GARRE1: variants seen among roughly 807,000 people sequenced by gnomAD.
The protein encoded by GARRE1 is granule associated Rac and RHOG effector protein 1.
GARRE1 carries 49 observed loss-of-function variants against 103.2 expected under a neutral mutation model. The observed-to-expected ratio is 0.47, with a 90% confidence interval of 0.38 to 0.60. The LOEUF (loss-of-function observed/expected upper bound fraction) is 0.60, where lower values mean the gene tolerates loss of function less well. GARRE1 is among the 20% of genes least tolerant of loss of function. GARRE1 has a pLI of 0.00. For missense variants in GARRE1, 1,199 were observed against 1,370.5 expected (o/e 0.87, Z 1.98); for synonymous variants, 505 against 532.8 (o/e 0.95, Z 0.72).
chr19:34,287,385 GGACTCAAGT>G (rs1020821850), intron 1 of GARRE1, among the ~76,000 whole-genome samples: 2 of 152,014 alleles, frequency 1.3e-5, no homozygotes, highest in African/African-American at 4.8e-5. Context: ...TCGAAGTCCT[GGACTCAAGT>G]GACCCTCCTG....
intron 1 of GARRE1, among the ~76,000 whole-genome samples, chr19:34,275,520 C>CATA (rs958451726): frequency 2.9e-4 from 44 of 152,060 alleles, no homozygotes; most frequent in African/African-American, 1.0e-3. Context: ...TTTCACTTAG[C>CATA]ATAATGTTTT....
chr19:34,341,924 G>A lies in GARRE1; in HGVS notation c.1990G>A (p.Gly664Ser), dbSNP rs781265148. The stretch of plus-strand genomic sequence containing the variant: ...CTTTAACATGGGCCAGTCACATCAG[G>A]GCTCTCCGTTGGTGACAAGGCATAA... Reference protein sequence around the residue: ...SGFNMGQSHQGSPLVTRHNSA... With the variant: ...SGFNMGQSHQSSPLVTRHNSA... Residue 664 changes from glycine (G) to serine (S), a missense_variant, in exon 10 of 14, where the codon GGC becomes AGC. By Grantham distance (56) the Gly-to-Ser change is moderately conservative (BLOSUM62 0). Transcript: ENST00000299505. 1.3e-5 allele frequency: 21 copies of A among 1,614,020 alleles called. No homozygotes were observed. In the South Asian group the frequency reaches 2.2e-4, roughly 17 times the overall value.
At chr19:34,286,974 T>G (rs2073890704) in intron 1 of GARRE1, among the ~76,000 whole-genome samples, 1 of 151,768 alleles carries the variant, frequency 6.6e-6, no homozygotes, top group Non-Finnish European at 1.5e-5. Context: ...GTTAAAAAAG[T>G]GTATTCTCCA....
intron 1 of GARRE1, among the ~76,000 whole-genome samples, chr19:34,271,634 A>G (rs944604473): frequency 5.3e-5 from 8 of 152,070 alleles, no homozygotes; most frequent in Non-Finnish European, 1.0e-4. Flanking sequence ...CCGAGGCAGA[A>G]GGATTGCTTG....
At chr19:34,335,070 G>A in intron 8 of GARRE1, among the ~76,000 whole-genome samples, 1 of 151,868 alleles carries the variant, frequency 6.6e-6, no homozygotes, top group South Asian at 2.1e-4. Context: ...CCGTTATGAT[G>A]TCATTTTGCC....
intron 12 of GARRE1, 85 bp from the exon 13 acceptor site, chr19:34,351,429 C>T (rs2074236337): frequency 6.7e-6 from 7 of 1,047,666 alleles, no homozygotes; most frequent in Non-Finnish European, 1.0e-5. Flanking sequence ...CCTGGAGATG[C>T]TGGAGCCTAG....
intron 1 of GARRE1, among the ~76,000 whole-genome samples, chr19:34,283,441 T>C (rs2073866864): frequency 6.6e-6 from 1 of 152,348 alleles, no homozygotes; most frequent in Middle Eastern, 3.4e-3. Flanking sequence ...GCCTGCTTCC[T>C]TTGCTTGCTT....
At chr19:34,326,981 C>G (rs2074114767) in intron 3 of GARRE1, among the ~76,000 whole-genome samples, 1 of 151,916 alleles carries the variant, frequency 6.6e-6, no homozygotes, top group African/African-American at 2.4e-5. Flanking sequence ...ATCATGAAAC[C>G]TTGTCTCTAC....
At chr19:34,304,806 T>A (rs930661255) in intron 2 of GARRE1, among the ~76,000 whole-genome samples, 7 of 151,668 alleles carry the variant, frequency 4.6e-5, no homozygotes, top group South Asian at 4.2e-4. Flanking sequence ...TTATTTATTT[T>A]TTTGAGACAG....
chr19:34,331,988 C>A (rs913165375), intron 7 of GARRE1, among the ~76,000 whole-genome samples: 1 of 143,804 alleles, frequency 7.0e-6, no homozygotes, highest in East Asian at 2.0e-4. Context: ...AAGATCCAGT[C>A]TTTAAAAAAA....
chr19:34,286,767 C>G (rs1412225473), intron 1 of GARRE1, among the ~76,000 whole-genome samples: 1 of 152,128 alleles, frequency 6.6e-6, no homozygotes, highest in Non-Finnish European at 1.5e-5. Context: ...TCCCAAAGTG[C>G]TGGGATTACA....
At chr19:34,287,151 A>G (rs1440992774) in intron 1 of GARRE1, among the ~76,000 whole-genome samples, 1 of 151,856 alleles carries the variant, frequency 6.6e-6, no homozygotes. Context: ...AAAAAAAAAA[A>G]AAAAGTGTAT....
intron 1 of GARRE1, among the ~76,000 whole-genome samples, chr19:34,271,846 C>A (rs2073790228): frequency 1.3e-5 from 2 of 151,438 alleles, no homozygotes; most frequent in Non-Finnish European, 3.0e-5. Context: ...AAAACAAAAA[C>A]AAAAACAAAA....
intron 1 of GARRE1, among the ~76,000 whole-genome samples, chr19:34,286,273 G>A (rs1372923794): frequency 6.6e-6 from 1 of 152,218 alleles, no homozygotes; most frequent in Admixed American, 6.5e-5. Context: ...AGGCTGGAGT[G>A]CAGTGGCATG....
intron 2 of GARRE1, among the ~76,000 whole-genome samples, chr19:34,309,208 G>T (rs1020515854): frequency 1.3e-5 from 2 of 152,090 alleles, no homozygotes; most frequent in African/African-American, 4.8e-5. Context: ...TCACAATGTG[G>T]CATATCCTGT....
chr19:34,263,265 G>GAGAGAGATAGATAGAT (rs1555778750), intron 1 of GARRE1, among the ~76,000 whole-genome samples: 2 of 149,494 alleles, frequency 1.3e-5, no homozygotes, highest in East Asian at 2.0e-4. Context: ...TCTCGATAGA[G>GAGAGAGATAGATAGAT]AGATAGATAG....
At chr19:34,338,932 G>C (rs1352601211) in intron 8 of GARRE1, among the ~76,000 whole-genome samples, 1 of 152,126 alleles carries the variant, frequency 6.6e-6, no homozygotes, top group East Asian at 1.9e-4. Flanking sequence ...GTGAGAGCTT[G>C]GTCCTGAGAC....
chr19:34,256,091 G>C (rs1245241792), intron 1 of GARRE1, among the ~76,000 whole-genome samples: 1 of 151,788 alleles, frequency 6.6e-6, no homozygotes, highest in Non-Finnish European at 1.5e-5. Flanking sequence ...CGCCTGGCTC[G>C]GCGTTCCAAA....
At chr19:34,301,534 A>AAAAAG (rs2073978969) in intron 2 of GARRE1, among the ~76,000 whole-genome samples, 2 of 150,610 alleles carry the variant, frequency 1.3e-5, no homozygotes, top group African/African-American at 4.9e-5. Context: ...AAAAAAAAAA[A>AAAAAG]AAAAGAAAAA....
Sources: allele counts gnomAD v4.1 joint callset (sites outside exome capture counted in the v4.1 genomes callset), GRCh38; gene constraint gnomAD v4.1.1; transcripts MANE v1.5; gene names NCBI Gene and HGNC (gene_info 2026-07-23, HGNC 2026-07-21).